Variants in MMP26 observed in about 807,000 individuals in gnomAD.
The protein encoded by MMP26 is matrix metalloproteinase-26.
In MMP26, 33 loss-of-function variants were observed where a neutral mutation model predicts 31.0. That is an observed-to-expected ratio of 1.06 (90% CI 0.81 to 1.42). The LOEUF is 1.42. Among genes scored for constraint, MMP26 ranks in the 40% most tolerant of loss-of-function variants. The pLI is 0.00. For missense variants in MMP26, 347 were observed against 316.1 expected (o/e 1.10, Z -0.74); for synonymous variants, 122 against 114.9 (o/e 1.06, Z -0.40).
chr11:4,885,993 T>C (rs558085044), intron 2 of MMP26, among the ~76,000 whole-genome samples: 11 of 152,222 alleles, frequency 7.2e-5, no homozygotes, highest in African/African-American at 2.6e-4. Context: ...ATGTCTTATG[T>C]AACAACCAAC....
intron 2 of MMP26, among the ~76,000 whole-genome samples, chr11:4,893,919 G>A (rs1589931389): frequency 6.6e-6 from 1 of 151,410 alleles, no homozygotes; most frequent in Non-Finnish European, 1.5e-5. Flanking sequence ...GGGCAATATA[G>A]GGAGACCTTG....
intron 2 of MMP26, among the ~76,000 whole-genome samples, chr11:4,972,070 T>C (rs1846673374): frequency 1.3e-5 from 2 of 152,162 alleles, no homozygotes; most frequent in African/African-American, 4.8e-5. Context: ...AAGCATGTAA[T>C]TGACCTAACA....
At chr11:4,720,550 GA>G (rs1283617927) in intron 1 of MMP26, among the ~76,000 whole-genome samples, 1 of 152,162 alleles carries the variant, frequency 6.6e-6, no homozygotes, top group African/African-American at 2.4e-5. Context: ...GACTGAAAGG[GA>G]AAAAAAGGAA....
intron 2 of MMP26, chr11:4,848,425 TAG>T (rs1156858259): frequency 9.9e-6 from 16 of 1,613,872 alleles, no homozygotes; most frequent in Non-Finnish European, 1.2e-5. Flanking sequence ...AGGAGGATCA[TAG>T]GGATATAGAA....
intron 2 of MMP26, among the ~76,000 whole-genome samples, chr11:4,873,748 T>C (rs1016713047): frequency 3.9e-5 from 6 of 152,082 alleles, no homozygotes; most frequent in Non-Finnish European, 8.8e-5. Context: ...CTTATCTAAG[T>C]GCTCTATCAA....
chr11:4,802,834 T>C (rs538542774), intron 2 of MMP26, among the ~76,000 whole-genome samples: 1 of 152,276 alleles, frequency 6.6e-6, no homozygotes, highest in African/African-American at 2.4e-5. Flanking sequence ...TCTTGCTTAT[T>C]TGTCAAATTT....
chr11:4,962,479 G>A (rs771764895), intron 2 of MMP26, among the ~76,000 whole-genome samples: 1 of 152,132 alleles, frequency 6.6e-6, no homozygotes, highest in Non-Finnish European at 1.5e-5. Flanking sequence ...ACAGATGATA[G>A]AGGCAGAAAC....
rs2133608541 is a variant in MMP26 at position 4,947,822 on chromosome 11, A to G, written c.-144-40246A>G. ...GGAAACAAACATCTAGGTCTGTAAT[A>G]AGGAACAATTTTGTTGGAGAGGTCT... is the stretch of plus-strand genomic sequence containing the variant. On this transcript the variant is annotated intron_variant, in intron 2 of 7. Transcript: ENST00000380390. 1.6e-5 allele frequency among the ~76,000 whole-genome samples: 2 copies of G among 125,516 alleles called. 1 individual carries two copies. Among genetic ancestry groups the G allele is most frequent in the East Asian group, 4.5e-4 (2 of 4,446 alleles). 82.3% of individuals were successfully genotyped at this position (125,516 alleles called of 152,430 possible). A position where few individuals can be genotyped will look rare whatever the true frequency, so the allele number is the denominator to read the frequency against.
At chr11:4,980,924 C>CAT (rs1337292638) in intron 2 of MMP26, among the ~76,000 whole-genome samples, 4 of 151,838 alleles carry the variant, frequency 2.6e-5, no homozygotes, top group African/African-American at 9.7e-5. Flanking sequence ...ATAACATAAA[C>CAT]ATATTAAGAA....
At chr11:4,743,375 A>G (rs776076165) in intron 1 of MMP26, among the ~76,000 whole-genome samples, 5 of 152,224 alleles carry the variant, frequency 3.3e-5, no homozygotes, top group Non-Finnish European at 5.9e-5. Flanking sequence ...TATGAAGACT[A>G]TTGGTAAAAT....
chr11:4,898,549 T>C (rs1232492777), intron 2 of MMP26, among the ~76,000 whole-genome samples: 1 of 152,138 alleles, frequency 6.6e-6, no homozygotes, highest in East Asian at 1.9e-4. Flanking sequence ...TCTCATTGTT[T>C]CTATGGGGAT....
At chr11:4,803,564 G>C (rs199922393) in intron 2 of MMP26, 167 of 1,613,752 alleles carry the variant, frequency 1.0e-4, no homozygotes, top group Non-Finnish European at 1.3e-4. Flanking sequence ...TGTACAACTC[G>C]GGGCACATCA....
chr11:4,892,144 A>G (rs1850633946), intron 2 of MMP26, among the ~76,000 whole-genome samples: 1 of 152,132 alleles, frequency 6.6e-6, no homozygotes, highest in South Asian at 2.1e-4. Context: ...CTTTTCAACT[A>G]GTTTATCCTC....
At chr11:4,971,281 T>C (rs1003252529) in intron 2 of MMP26, among the ~76,000 whole-genome samples, 1 of 152,188 alleles carries the variant, frequency 6.6e-6, no homozygotes, top group Admixed American at 6.5e-5. Context: ...GCACAGCTTC[T>C]TGAGTACACA....
chr11:4,896,741 G>A (rs1337595875), intron 2 of MMP26, among the ~76,000 whole-genome samples: 2 of 152,114 alleles, frequency 1.3e-5, no homozygotes, highest in African/African-American at 4.8e-5. Flanking sequence ...AACACAAAGT[G>A]TATAGCTAAA....
chr11:4,991,024 G>A (rs1846992581), intron 5 of MMP26, among the ~76,000 whole-genome samples: 1 of 152,142 alleles, frequency 6.6e-6, no homozygotes, highest in South Asian at 2.1e-4. Flanking sequence ...CTATTGAAAT[G>A]CTATTCAAAG....
chr11:4,783,302 CA>C (rs1191290864), intron 2 of MMP26, among the ~76,000 whole-genome samples: 4 of 152,196 alleles, frequency 2.6e-5, no homozygotes, highest in Non-Finnish European at 4.4e-5. Context: ...GACATAGAGT[CA>C]AAGGAGATAA....
intron 2 of MMP26, among the ~76,000 whole-genome samples, chr11:4,874,059 T>C (rs1261481923): frequency 6.6e-6 from 1 of 152,004 alleles, no homozygotes; most frequent in Non-Finnish European, 1.5e-5. Flanking sequence ...AGCGAGGGTG[T>C]TGGTATCCTT....
At chr11:4,756,832 A>C (rs748139004) in intron 1 of MMP26, 9 of 152,076 alleles carry the variant, frequency 5.9e-5, no homozygotes, top group Non-Finnish European at 1.2e-4. Flanking sequence ...AAAAAAACTA[A>C]GACACTGACG....
Sources: gnomAD v4.1 joint callset for allele counts (sites outside exome capture counted in the v4.1 genomes callset) on GRCh38, gnomAD v4.1.1 for gene constraint, MANE v1.5 for transcripts, NCBI Gene and HGNC (gene_info 2026-07-23, HGNC 2026-07-21) for gene names.